Variants in SHISA6 observed in about 807,000 individuals in gnomAD.
The protein encoded by SHISA6 is protein shisa-6.
A neutral mutation model predicts 47.9 loss-of-function variants in SHISA6; 22 were observed. The observed-to-expected ratio is 0.46, with a 90% CI of 0.33 to 0.66. SHISA6 has a LOEUF of 0.66. Ranked by LOEUF, SHISA6 falls within the 30% of genes least tolerant of loss-of-function variation. The pLI is 0.02. For missense variants in SHISA6, 680 were observed against 764.6 expected (o/e 0.89, Z 1.30); for synonymous variants, 388 against 337.8 (o/e 1.15, Z -1.63).
intron 3 of SHISA6, among the ~76,000 whole-genome samples, chr17:11,445,882 CAG>C (rs1915215863): frequency 6.6e-6 from 1 of 152,190 alleles, no homozygotes; most frequent in Non-Finnish European, 1.5e-5. Context: ...GGCTGGAGGG[CAG>C]TGGTGCAATC....
At position 11,408,930 on chromosome 17, in the gene SHISA6, C is replaced by T. The variant is rs537924067; in HGVS notation, c.895+29421C>T. On this transcript the variant is annotated intron_variant, in intron 3 of 5. Coordinates refer to ENST00000441885, the MANE Select transcript of SHISA6 (RefSeq NM_207386.4). ...CACCAAGACACTATAAAGACTGGAG[C>T]TTTGGTCAAATTCAAATGTTATTGC... Among the ~76,000 whole-genome samples the T allele has an allele frequency of 2.0e-5, 3 of 152,126 alleles. No homozygotes were observed. The South Asian group carries it at 6.2e-4, about 32-fold the overall frequency.
At chr17:11,445,095 A>C (rs535721622) in intron 3 of SHISA6, among the ~76,000 whole-genome samples, 1 of 152,290 alleles carries the variant, frequency 6.6e-6, no homozygotes, top group South Asian at 2.1e-4. Flanking sequence ...AGCAAAATTT[A>C]GTGTAAATGT....
chr17:11,398,011 T>A (rs183671067), intron 3 of SHISA6, among the ~76,000 whole-genome samples: 20 of 152,332 alleles, frequency 1.3e-4, no homozygotes, highest in African/African-American at 4.8e-4. Context: ...TTTTTGAATT[T>A]CTGTTTTAAA....
intron 1 of SHISA6, 130 bp from the exon 2 acceptor site, chr17:11,263,236 G>C (rs547555104): frequency 1.0e-6 from 1 of 955,002 alleles, no homozygotes; most frequent in Non-Finnish European, 1.6e-6. Context: ...TGACTATTGA[G>C]AGCTGAATGC....
At chr17:11,411,085 C>T (rs1012631114) in intron 3 of SHISA6, among the ~76,000 whole-genome samples, 7 of 151,988 alleles carry the variant, frequency 4.6e-5, no homozygotes, top group Non-Finnish European at 1.0e-4. Context: ...TCTCCTGCCT[C>T]AGCCTCCTGA....
intron 2 of SHISA6, chr17:11,289,488 C>T (rs1329859346): frequency 2.0e-5 from 3 of 151,700 alleles, no homozygotes; most frequent in South Asian, 2.1e-4. Context: ...CACCCCTTCC[C>T]CAGTATGTTC....
At chr17:11,250,412 C>G (rs1176820108) in intron 1 of SHISA6, among the ~76,000 whole-genome samples, 1 of 152,216 alleles carries the variant, frequency 6.6e-6, no homozygotes, top group Non-Finnish European at 1.5e-5. Flanking sequence ...TGATCAATTC[C>G]TAATGTGCAT....
chr17:11,394,761 C>T (rs185280822), intron 3 of SHISA6, among the ~76,000 whole-genome samples: 67 of 152,124 alleles, frequency 4.4e-4, no homozygotes, highest in Non-Finnish European at 7.8e-4. Context: ...GTATACCCTT[C>T]GAATTTTCCA....
chr17:11,300,684 T>G lies in SHISA6; in HGVS notation c.799+37158T>G, dbSNP rs1287305106. Among the ~76,000 whole-genome samples, 7 of 151,178 alleles carry G rather than the reference T, an allele frequency of 4.6e-5. No individual in the cohort carries two copies. The East Asian group carries it at 1.4e-3, about 29-fold the overall frequency. ...TTTTCTTTTTCTTTTTTTTTTTTTTTGTAATTCAGTGACTGTGGGTTTAAA... is the reference window on the plus strand; with the variant it reads ...TTTTCTTTTTCTTTTTTTTTTTTTTGGTAATTCAGTGACTGTGGGTTTAAA... On this transcript the variant is annotated intron_variant, in intron 2 of 5. Transcript: ENST00000441885.
chr17:11,249,572 C>A (rs1239543406), intron 1 of SHISA6, among the ~76,000 whole-genome samples: 2 of 152,126 alleles, frequency 1.3e-5, no homozygotes, highest in Non-Finnish European at 2.9e-5. Context: ...TTGAAAGAAC[C>A]TGGTTGTACA....
chr17:11,259,495 T>C (rs1303296361), intron 1 of SHISA6, among the ~76,000 whole-genome samples: 2 of 152,182 alleles, frequency 1.3e-5, no homozygotes, highest in African/African-American at 4.8e-5. Context: ...GAACAAGGTT[T>C]TGTTTATTTT....
chr17:11,332,484 C>A (rs1226948171), intron 2 of SHISA6, among the ~76,000 whole-genome samples: 3 of 152,116 alleles, frequency 2.0e-5, no homozygotes, highest in Admixed American at 1.3e-4. Context: ...CTTTTGAAAA[C>A]GCTCCTTTGT....
chr17:11,315,587 A>G (rs1056099777), intron 2 of SHISA6, among the ~76,000 whole-genome samples: 5 of 152,212 alleles, frequency 3.3e-5, no homozygotes, highest in African/African-American at 1.2e-4. Context: ...TCAGATTACA[A>G]TATTGACATT....
chr17:11,250,023 C>A (rs961987308), intron 1 of SHISA6, among the ~76,000 whole-genome samples: 1 of 152,156 alleles, frequency 6.6e-6, no homozygotes, highest in Non-Finnish European at 1.5e-5. Context: ...TATGCTTTAT[C>A]CGTGTGTCAG....
intron 3 of SHISA6, among the ~76,000 whole-genome samples, chr17:11,422,318 G>C (rs191496468): frequency 3.9e-5 from 6 of 152,298 alleles, no homozygotes; most frequent in African/African-American, 1.4e-4. Context: ...GGGATGCACA[G>C]GGAGGTGCAA....
At chr17:11,515,312 AAAAG>A (rs1173023193) in intron 3 of SHISA6, among the ~76,000 whole-genome samples, 2 of 113,154 alleles carry the variant, frequency 1.8e-5, no homozygotes, top group Admixed American at 9.6e-5. Flanking sequence ...GGAAGAAAGA[AAAAG>A]GAAGGAAGGA....
chr17:11,530,478 G>C (rs535978591), intron 3 of SHISA6, among the ~76,000 whole-genome samples: 20 of 152,080 alleles, frequency 1.3e-4, no homozygotes, highest in Non-Finnish European at 2.1e-4. Context: ...TTACTTTCTG[G>C]TTTTTCAACA....
intron 1 of SHISA6, among the ~76,000 whole-genome samples, chr17:11,254,434 C>T (rs1324128986): frequency 3.3e-5 from 5 of 152,176 alleles, no homozygotes; most frequent in Non-Finnish European, 7.3e-5. Flanking sequence ...TCCTTGCATA[C>T]GCCACTCAGA....
At chr17:11,304,784 G>T (rs1159408594) in intron 2 of SHISA6, among the ~76,000 whole-genome samples, 1 of 151,996 alleles carries the variant, frequency 6.6e-6, no homozygotes, top group African/African-American at 2.4e-5. Context: ...CCTGAGACTT[G>T]CCAGAACTGT....
Sources: allele counts gnomAD v4.1 joint callset (sites outside exome capture counted in the v4.1 genomes callset), GRCh38; gene constraint gnomAD v4.1.1; transcripts MANE v1.5; gene names NCBI Gene and HGNC (gene_info 2026-07-23, HGNC 2026-07-21).